The following NTRK2 variants were observed in gnomAD, a reference collection of about 807,000 sequenced individuals.
NTRK2 encodes the protein neurotrophic receptor tyrosine kinase 2, also known as BDNF/NT-3 growth factors receptor.
In NTRK2, 13 loss-of-function variants were observed where a neutral mutation model predicts 94.5. The ratio of observed to expected loss-of-function variants is 0.14; its 90% CI spans 0.09 to 0.22. The LOEUF is 0.22. NTRK2 is among the 10% of genes least tolerant of loss of function. The pLI is 1.00. For missense variants in NTRK2, 639 were observed against 1,071.2 expected, an observed-to-expected ratio of 0.60 and a Z score of 5.63; for synonymous variants, 372 against 407.4, an observed-to-expected ratio of 0.91 and a Z score of 1.05.
chr9:84,972,844 A>G (rs1826343199), intron 17 of NTRK2, among the ~76,000 whole-genome samples: 1 of 152,196 alleles, frequency 6.6e-6, no homozygotes, highest in Non-Finnish European at 1.5e-5. Flanking sequence ...TCATTTCTAT[A>G]CATTTATTTT....
Position 84,844,967 on chromosome 9 carries a change from G to A in NTRK2, c.1397-16073G>A, listed in dbSNP as rs145144604. On this transcript the variant is annotated intron_variant, in intron 12 of 18. Coordinates refer to ENST00000277120, the MANE Select transcript of NTRK2 (RefSeq NM_006180.6). ...AAGTCAAAAAACAATAGATGTTGGT[G>A]TGGATGCGGTGAAAAAGGAACAACA... Among the ~76,000 whole-genome samples, 171 of 152,232 alleles carry A rather than the reference G, an allele frequency of 1.1e-3. 1 individual carries two copies. Among genetic ancestry groups the A allele is most frequent in the Non-Finnish European group, 2.0e-3 (139 of 68,018 alleles).
chr9:84,752,360 G>A (rs934770721), intron 12 of NTRK2, among the ~76,000 whole-genome samples: 26 of 152,188 alleles, frequency 1.7e-4, no homozygotes, highest in African/African-American at 6.3e-4. Context: ...CAAAGAAATA[G>A]TACTTGATGT....
At chr9:84,875,387 T>G (rs566664943) in intron 14 of NTRK2, 1 of 1,061,726 alleles carries the variant, frequency 9.4e-7, no homozygotes, top group African/African-American at 1.6e-5. Context: ...GAGGCCTGTG[T>G]TATGCGCTGG....
At chr9:84,735,467 G>T (rs2063191530) in intron 9 of NTRK2, among the ~76,000 whole-genome samples, 1 of 152,078 alleles carries the variant, frequency 6.6e-6, no homozygotes, top group Non-Finnish European at 1.5e-5. Flanking sequence ...AGAAGCTGGA[G>T]GGACCACTGG....
intron 12 of NTRK2, chr9:84,813,900 GC>G: frequency 9.4e-7 from 1 of 1,065,426 alleles, no homozygotes; most frequent in African/African-American, 1.6e-5. Flanking sequence ...CTCAATGGGG[GC>G]CTCCAGAGAC....
chr9:84,754,555 A>T (rs2064912867), intron 12 of NTRK2, among the ~76,000 whole-genome samples: 1 of 152,224 alleles, frequency 6.6e-6, no homozygotes, highest in South Asian at 2.1e-4. Context: ...ATTACCACTG[A>T]AAAACATATG....
At chr9:84,798,570 G>A (rs938453411) in intron 12 of NTRK2, among the ~76,000 whole-genome samples, 10 of 152,124 alleles carry the variant, frequency 6.6e-5, no homozygotes, top group African/African-American at 2.4e-4. Context: ...CCTTCCTTAT[G>A]TCCTAAGTGA....
At chr9:84,704,225 C>CTTTTT (rs773413015) in intron 4 of NTRK2, among the ~76,000 whole-genome samples, 15 of 93,712 alleles carry the variant, frequency 1.6e-4, no homozygotes, top group African/African-American at 2.1e-4. Flanking sequence ...TGGTGGTATT[C>CTTTTT]TTTTTTTTTT....
At chr9:84,770,196 A>G (rs1309947554) in intron 12 of NTRK2, among the ~76,000 whole-genome samples, 2 of 151,172 alleles carry the variant, frequency 1.3e-5, no homozygotes, top group Non-Finnish European at 2.9e-5. Context: ...ACACACACAA[A>G]CACACAGCTG....
At chr9:84,928,823 C>T (rs1039535549) in intron 14 of NTRK2, among the ~76,000 whole-genome samples, 1 of 152,168 alleles carries the variant, frequency 6.6e-6, no homozygotes, top group Non-Finnish European at 1.5e-5. Context: ...ACTCCCAGTA[C>T]AGGCCATTAT....
intron 12 of NTRK2, among the ~76,000 whole-genome samples, chr9:84,837,179 T>C (rs1405346921): frequency 6.6e-6 from 1 of 152,050 alleles, no homozygotes; most frequent in African/African-American, 2.4e-5. Context: ...ATACTAATCC[T>C]TTCAGGTAGG....
chr9:84,736,886 G>A (rs915431820), intron 9 of NTRK2, among the ~76,000 whole-genome samples: 3 of 152,182 alleles, frequency 2.0e-5, no homozygotes, highest in South Asian at 2.1e-4. Flanking sequence ...CCAATTTCAG[G>A]CGCTGAGTTC....
chr9:84,787,314 CAAACA>C (rs1048840959), intron 12 of NTRK2, among the ~76,000 whole-genome samples: 3 of 151,306 alleles, frequency 2.0e-5, no homozygotes, highest in Non-Finnish European at 2.9e-5. Flanking sequence ...AACAAACAAA[CAAACA>C]AAACAAACAA....
chr9:84,976,350 AG>A (rs1411247027), intron 17 of NTRK2, among the ~76,000 whole-genome samples: 1 of 152,140 alleles, frequency 6.6e-6, no homozygotes, highest in Non-Finnish European at 1.5e-5. Flanking sequence ...CTATGGGATT[AG>A]GGCTCTACTT....
intron 15 of NTRK2, among the ~76,000 whole-genome samples, chr9:84,941,568 T>C (rs1169518125): frequency 6.6e-6 from 1 of 152,224 alleles, no homozygotes; most frequent in Non-Finnish European, 1.5e-5. Context: ...ATAGTTGTGC[T>C]GCTTTTTAAT....
At chr9:84,720,754 A>G (rs942332293) in intron 6 of NTRK2, among the ~76,000 whole-genome samples, 15 of 152,192 alleles carry the variant, frequency 9.9e-5, no homozygotes, top group African/African-American at 3.6e-4. Context: ...TAGAAATCGT[A>G]AGAGACATTG....
intron 15 of NTRK2, among the ~76,000 whole-genome samples, chr9:84,939,517 A>T (rs1239177686): frequency 6.6e-6 from 1 of 152,180 alleles, no homozygotes; most frequent in East Asian, 1.9e-4. Flanking sequence ...GGAGTGTGTT[A>T]GTTATGTCGT....
intron 12 of NTRK2, among the ~76,000 whole-genome samples, chr9:84,840,439 T>C (rs374012798): frequency 9.9e-5 from 15 of 152,024 alleles, no homozygotes; most frequent in Middle Eastern, 3.2e-3. Context: ...TTTATATGCA[T>C]GGCCATGGCT....
chr9:85,012,179 G>A (rs545092931), intron 17 of NTRK2, among the ~76,000 whole-genome samples: 1 of 151,880 alleles, frequency 6.6e-6, no homozygotes, highest in South Asian at 2.1e-4. Context: ...AGTAGAGACG[G>A]GGTTTCACCA....
Sources: allele counts gnomAD v4.1 joint callset (sites outside exome capture counted in the v4.1 genomes callset), GRCh38; gene constraint gnomAD v4.1.1; transcripts MANE v1.5; gene names NCBI Gene and HGNC (gene_info 2026-07-23, HGNC 2026-07-21).